The following ACP3 variants were observed in gnomAD, a reference collection of about 807,000 sequenced individuals.
ACP3 encodes the protein prostatic acid phosphatase.
ACP3 carries 38 observed loss-of-function variants against 45.6 expected under a neutral mutation model. That is an observed-to-expected ratio of 0.83 (90% confidence interval 0.64 to 1.09). ACP3 has a LOEUF of 1.09. ACP3 is among the 50% of genes least tolerant of loss of function. The pLI is 0.00. For missense variants in ACP3, 466 were observed against 463.2 expected (o/e 1.01, Z -0.05); for synonymous variants, 162 against 164.7 (o/e 0.98, Z 0.13).
intron 2 of ACP3, 106 bp downstream of exon 2, chr3:132,328,468 C>G: frequency 1.2e-6 from 1 of 852,742 alleles, no homozygotes; most frequent in Non-Finnish European, 1.8e-6. Context: ...CAACTGAGGT[C>G]AGGAGTTCGA....
At chr3:132,349,310 C>T (rs879327059) in intron 7 of ACP3, among the ~76,000 whole-genome samples, 2 of 152,164 alleles carry the variant, frequency 1.3e-5, no homozygotes, top group East Asian at 3.9e-4. Context: ...CAAATGAAAG[C>T]TAAAGATGCT....
At chr3:132,342,783 A>G in intron 6 of ACP3, 139 bp downstream of exon 6, 1 of 494,910 alleles carries the variant, frequency 2.0e-6, no homozygotes, top group African/African-American at 2.0e-5. Context: ...AACGTAATTC[A>G]CAACTTCCTT....
rs149933332 is a variant in ACP3, at chr3:132,333,657, T to C, written c.456+1313T>C. Among the ~76,000 whole-genome samples, 33 of 152,322 alleles carry C rather than the reference T, an allele frequency of 2.2e-4. No individual in the cohort carries two copies. In the East Asian group the frequency reaches 5.8e-3, roughly 27 times the overall value. ...TTTCTTGAAAAGACAGGATGATTCA[T>C]TTACATCTCTTTTCCTTCACAGAAT... On this transcript the variant is annotated intron_variant, in intron 4 of 9. Coordinates refer to ENST00000336375, the MANE Select transcript of ACP3 (RefSeq NM_001099.5).
At chr3:132,352,531 C>T (rs1036362964) in intron 8 of ACP3, among the ~76,000 whole-genome samples, 189 bp from the exon 9 acceptor site, 1 of 152,100 alleles carries the variant, frequency 6.6e-6, no homozygotes, top group Non-Finnish European at 1.5e-5. Flanking sequence ...AATAATGATA[C>T]ATATCTAAAT....
chr3:132,349,644 G>A (rs1342836069), intron 7 of ACP3, among the ~76,000 whole-genome samples: 1 of 152,014 alleles, frequency 6.6e-6, no homozygotes, highest in East Asian at 1.9e-4. Flanking sequence ...TGCCAATCCA[G>A]CTTTCCTTAC....
chr3:132,358,356 A>G lies in ACP3; in HGVS notation c.*1478A>G. ...TGTGGTTACGAAATACGTTAGGAGGACAAAAGGAATGTGTAAGTCTTTAAT... is the reference window on the plus strand; with the variant it reads ...TGTGGTTACGAAATACGTTAGGAGGGCAAAAGGAATGTGTAAGTCTTTAAT... On this transcript the variant is annotated 3_prime_UTR_variant, in exon 10 of 10. Coordinates refer to ENST00000336375, the MANE Select transcript of ACP3 (RefSeq NM_001099.5). 8.5e-7 allele frequency: 1 copy of G among 1,170,864 alleles called. No individual in the cohort carries two copies. Among genetic ancestry groups the G allele is most frequent in the Non-Finnish European group, 1.1e-6 (1 of 919,042 alleles). The allele number at this position is 1,170,864 out of a possible 1,614,324, so 72.5% of individuals were successfully genotyped here.
chr3:132,347,432 G>T (rs896789884), intron 7 of ACP3, among the ~76,000 whole-genome samples: 1 of 152,028 alleles, frequency 6.6e-6, no homozygotes, highest in East Asian at 1.9e-4. Flanking sequence ...ACCTTTGCTA[G>T]TTTTTTTGTT....
intron 10 of ACP3, among the ~76,000 whole-genome samples, chr3:132,364,734 C>T (rs1938101723): frequency 6.6e-6 from 1 of 152,162 alleles, no homozygotes; most frequent in African/African-American, 2.4e-5. Flanking sequence ...CTACCTGGTA[C>T]ATGTGTGCTC....
chr3:132,331,345 A>G (rs17404125), intron 2 of ACP3, among the ~76,000 whole-genome samples: 8,099 of 152,308 alleles, frequency 0.053, 281 homozygotes, highest in Middle Eastern at 0.16. Flanking sequence ...ACTACATCAG[A>G]GATGAACCAT....
chr3:132,337,674 G>C (rs1937513471), intron 5 of ACP3, 120 bp downstream of exon 5: 2 of 606,908 alleles, frequency 3.3e-6, no homozygotes, highest in African/African-American at 3.6e-5. Context: ...GCATCTGTCA[G>C]TGGCTGGTTA....
intron 7 of ACP3, 144 bp from the exon 8 acceptor site, chr3:132,349,776 C>A (rs1937677155): frequency 8.0e-6 from 5 of 623,972 alleles, no homozygotes. Context: ...TAGCACAGAG[C>A]AGATGCTCAA....
In ACP3 at chr3:132,358,607, T is replaced by A; in HGVS notation, c.*1729T>A. Reference sequence around the variant, plus strand: ...TCCCCGCTCCTGGTTGGTCACAGAATGACTGACAAAGACATCGATTGATAT... The same window carrying A: ...TCCCCGCTCCTGGTTGGTCACAGAAAGACTGACAAAGACATCGATTGATAT... On this transcript the variant is annotated 3_prime_UTR_variant, in exon 10 of 10. Coordinates refer to ENST00000336375, the MANE Select transcript of ACP3 (RefSeq NM_001099.5). The A allele has an allele frequency of 1.8e-6, 2 of 1,081,830 alleles. No homozygotes were observed. Among genetic ancestry groups the A allele is most frequent in the Non-Finnish European group, 2.3e-6 (2 of 876,830 alleles). The allele number at this position is 1,081,830 out of a possible 1,614,324, so 67.0% of individuals were successfully genotyped here.
chr3:132,332,358 G>A lies in ACP3; in HGVS notation c.456+14G>A, dbSNP rs778529184. ...TCTGAAGATCAGGTCAGTATACTGG[G>A]AAAACCAGGAGATTTCAGATGGACC... On this transcript the variant is annotated intron_variant, in intron 4 of 9. Transcript: ENST00000336375. 1 of 1,613,962 alleles carries A rather than the reference G, an allele frequency of 6.2e-7. No homozygotes were observed. Among genetic ancestry groups the A allele is most frequent in the East Asian group, 2.2e-5 (1 of 44,856 alleles).
intron 6 of ACP3, 45 bp from the exon 7 acceptor site, chr3:132,344,882 T>A (rs1937590758): frequency 6.2e-7 from 1 of 1,602,482 alleles, no homozygotes; most frequent in South Asian, 1.1e-5. Context: ...AAGAGGACAG[T>A]CATATAAATA....
intron 1 of ACP3, among the ~76,000 whole-genome samples, chr3:132,327,793 C>CAA (rs11391543): frequency 0.17 from 25,436 of 149,460 alleles, 2,283 homozygotes; most frequent in African/African-American, 0.23. Context: ...GACACTGTTT[C>CAA]AAAAAAAAAA....
chr3:132,337,538 G>A lies in ACP3; in HGVS notation c.539G>A (p.Arg180Lys), dbSNP rs1266483217. The change falls in exon 5 of 10, where the codon AGG (arginine) becomes AAG (lysine). Residue 180 changes from arginine (R) to lysine (K), a missense_variant. Transcript: ENST00000336375. ...TTGAAATCAGAGGAATTCCAGAAGA[G>A]GCTGCACCCTTATAAGGTTAAAAGC... Reference protein sequence around the residue: ...ETLKSEEFQKRLHPYKDFIAT... With the variant: ...ETLKSEEFQKKLHPYKDFIAT... 2 of 1,608,334 alleles carry A rather than the reference G, an allele frequency of 1.2e-6. No individual in the cohort carries two copies. Among genetic ancestry groups the A allele is most frequent in the Non-Finnish European group, 1.7e-6 (2 of 1,175,602 alleles).
intron 4 of ACP3, among the ~76,000 whole-genome samples, chr3:132,333,092 G>A (rs151189913): frequency 2.6e-3 from 389 of 152,244 alleles, no homozygotes; most frequent in African/African-American, 8.9e-3. Context: ...GGCACTCTCC[G>A]TAAGAAATCG....
Position 132,356,889 on chromosome 3 carries a change from G to A in ACP3, c.*11G>A. 1.9e-6 allele frequency: 3 copies of A among 1,602,918 alleles called. No individual in the cohort carries two copies. The highest frequency in any genetic ancestry group is 2.6e-6 in the Non-Finnish European group (3 of 1,172,404). On this transcript the variant is annotated 3_prime_UTR_variant, in exon 10 of 10. Coordinates refer to ENST00000336375, the MANE Select transcript of ACP3 (RefSeq NM_001099.5). ...GACAGTACAGATTAGTGTGCACAGA[G>A]ATCTCTGTAGAAGGAGTAGCTGCCC...
At chr3:132,348,212 G>A (rs11705904) in intron 7 of ACP3, among the ~76,000 whole-genome samples, 72,199 of 151,912 alleles carry the variant, frequency 0.48, 17,955 homozygotes, top group Middle Eastern at 0.66. Context: ...ATGTCTTCAG[G>A]TCAATGATAT....
Sources: gnomAD v4.1 joint callset for allele counts (sites outside exome capture counted in the v4.1 genomes callset) on GRCh38, gnomAD v4.1.1 for gene constraint, MANE v1.5 for transcripts, NCBI Gene and HGNC (gene_info 2026-07-23, HGNC 2026-07-21) for gene names.